Variants in USP32 observed in about 807,000 individuals in gnomAD.
USP32 encodes ubiquitin specific peptidase 32.
Under a neutral mutation model 204.8 loss-of-function variants are expected in USP32, and 59 were observed. The observed-to-expected ratio is 0.29, with a 90% CI of 0.23 to 0.36. The LOEUF is 0.36. Among genes scored for constraint, USP32 ranks in the 10% least tolerant of loss-of-function variants. USP32 has a pLI of 1.00. For synonymous variants in USP32, 517 were observed against 678.4 expected (o/e 0.76, Z 3.70); for missense variants, 1,160 against 1,946.4 (o/e 0.60, Z 7.60).
chr17:60,331,228 A>G (rs2088375073), intron 2 of USP32, among the ~76,000 whole-genome samples: 1 of 152,208 alleles, frequency 6.6e-6, no homozygotes, highest in African/African-American at 2.4e-5. Context: ...TATTTAATTT[A>G]ACATTTTACC....
intron 5 of USP32, among the ~76,000 whole-genome samples, chr17:60,287,150 A>AAATT (rs763244286): frequency 6.6e-5 from 10 of 152,158 alleles, no homozygotes; most frequent in Admixed American, 2.0e-4. Context: ...ACTTCGTCTC[A>AAATT]AATTAATTAA....
chr17:60,377,675 C>T (rs113937176), intron 1 of USP32, among the ~76,000 whole-genome samples: 4 of 152,120 alleles, frequency 2.6e-5, no homozygotes, highest in Admixed American at 6.6e-5. Context: ...TTGACTCTTC[C>T]GTGTTTTCAT....
intron 1 of USP32, among the ~76,000 whole-genome samples, chr17:60,365,944 G>A (rs16944295): frequency 0.21 from 32,240 of 152,046 alleles, 8,459 homozygotes; most frequent in African/African-American, 0.62. Flanking sequence ...TTCATTTTTG[G>A]TTTAGAGAGA....
intron 27 of USP32, among the ~76,000 whole-genome samples, chr17:60,197,119 G>A (rs1219870405): frequency 6.6e-6 from 1 of 151,576 alleles, no homozygotes; most frequent in Non-Finnish European, 1.5e-5. Flanking sequence ...GGTGGAGTTT[G>A]CAGTGAACAA....
intron 12 of USP32, among the ~76,000 whole-genome samples, chr17:60,229,305 A>G (rs2085481732): frequency 6.6e-6 from 1 of 152,176 alleles, no homozygotes; most frequent in African/African-American, 2.4e-5. Context: ...GGCCTCCCAA[A>G]GTACTAGGAT....
intron 2 of USP32, among the ~76,000 whole-genome samples, chr17:60,306,761 A>G (rs1013157572): frequency 2.0e-5 from 3 of 152,234 alleles, no homozygotes; most frequent in African/African-American, 7.2e-5. Flanking sequence ...TTACCAGATA[A>G]CATGACCTTA....
chr17:60,381,568 T>C (rs933290409), intron 1 of USP32, among the ~76,000 whole-genome samples: 5 of 152,230 alleles, frequency 3.3e-5, no homozygotes, highest in African/African-American at 1.2e-4. Context: ...TCAGGTGCTC[T>C]TCTTCAGTGG....
chr17:60,249,447 G>A (rs954914158), intron 11 of USP32: 11 of 378,826 alleles, frequency 2.9e-5, no homozygotes, highest in Middle Eastern at 6.4e-4. Flanking sequence ...AATTTGACTG[G>A]TCTGTTGTTA....
intron 11 of USP32, among the ~76,000 whole-genome samples, chr17:60,247,203 G>A (rs1182801521): frequency 2.7e-5 from 4 of 150,928 alleles, no homozygotes; most frequent in African/African-American, 4.9e-5. Flanking sequence ...TTTTTGAGGC[G>A]GAGTCTCCCT....
In USP32 at chr17:60,204,955, TC is replaced by T. The variant is rs1250153280; in HGVS notation, c.3249+491del. ...TGGCTGCTTAGTTAAAAAAAAGAAG[TC>T]TTTTTTTTTTTTTTTTAGAAGAGAC... On this transcript the variant is annotated intron_variant, in intron 26 of 33. Transcript: ENST00000300896. Among the ~76,000 whole-genome samples, 2 of 146,780 alleles carry T rather than the reference TC, an allele frequency of 1.4e-5. 1 individual carries two copies. Among genetic ancestry groups the T allele is most frequent in the Non-Finnish European group, 3.0e-5 (2 of 67,456 alleles).
At chr17:60,204,349 A>C (rs1192135060) in intron 26 of USP32, among the ~76,000 whole-genome samples, 8 of 152,228 alleles carry the variant, frequency 5.3e-5, no homozygotes, top group Non-Finnish European at 8.8e-5. Flanking sequence ...ACAAGGTCTC[A>C]CTTATTGCCC....
At chr17:60,255,110 G>A (rs2086263093) in intron 10 of USP32, 65 bp downstream of exon 10, 1 of 1,139,484 alleles carries the variant, frequency 8.8e-7, no homozygotes, top group Non-Finnish European at 1.3e-6. Flanking sequence ...GCTACTATAT[G>A]ATGGAAAAGA....
Position 60,214,628 on chromosome 17 carries a change from T to G in USP32, c.2014A>C (p.Asn672His). 3 of 1,613,324 alleles carry G rather than the reference T, an allele frequency of 1.9e-6. No homozygotes were observed. The highest frequency in any genetic ancestry group is 2.5e-6 in the Non-Finnish European group (3 of 1,179,392). The change falls in exon 17 of 34, where the codon AAC becomes CAC. Residue 672 changes from asparagine to histidine, a missense_variant. By Grantham distance (68) the Asn-to-His change is moderately conservative. Coordinates refer to ENST00000300896, the MANE Select transcript of USP32 (RefSeq NM_032582.4). ...TCTGAGATGCCTCTTACCTCACTGT[T>G]GTATAGCCACAGGCGCATATCTTCC... ...KEEDMRLWLY[N>H]SENYLTLLDD... is the part of the protein sequence containing the mutation.
intron 11 of USP32, among the ~76,000 whole-genome samples, chr17:60,247,933 C>G (rs1330388804): frequency 2.6e-5 from 4 of 152,154 alleles, no homozygotes; most frequent in Non-Finnish European, 2.9e-5. Flanking sequence ...ATCCACCTAC[C>G]TCAGCCTCCC....
chr17:60,374,923 C>T (rs2089510922), intron 1 of USP32, among the ~76,000 whole-genome samples: 2 of 152,168 alleles, frequency 1.3e-5, no homozygotes, highest in Middle Eastern at 3.4e-3. Context: ...CAGAAACAGA[C>T]ATCTCAGAAA....
intron 12 of USP32, among the ~76,000 whole-genome samples, chr17:60,231,191 G>A (rs915705207): frequency 9.2e-5 from 14 of 152,120 alleles, no homozygotes; most frequent in Non-Finnish European, 1.6e-4. Context: ...TATGGGTCAA[G>A]ATTCACCTTT....
At chr17:60,368,611 A>C (rs2089365608) in intron 1 of USP32, among the ~76,000 whole-genome samples, 1 of 152,112 alleles carries the variant, frequency 6.6e-6, no homozygotes, top group Non-Finnish European at 1.5e-5. Context: ...ACCCACATAC[A>C]CACAAAAACT....
At chr17:60,341,444 C>G (rs992747962) in intron 2 of USP32, among the ~76,000 whole-genome samples, 1 of 151,898 alleles carries the variant, frequency 6.6e-6, no homozygotes, top group Admixed American at 6.6e-5. Flanking sequence ...CTTAGTTTGG[C>G]TGGATATGAA....
At chr17:60,371,292 C>T (rs1021353652) in intron 1 of USP32, among the ~76,000 whole-genome samples, 3 of 148,946 alleles carry the variant, frequency 2.0e-5, no homozygotes, top group African/African-American at 2.5e-5. Context: ...AATGGCCGGG[C>T]GCAGTGGCTC....
Sources: gnomAD v4.1 joint callset for allele counts (sites outside exome capture counted in the v4.1 genomes callset) on GRCh38, gnomAD v4.1.1 for gene constraint, MANE v1.5 for transcripts, NCBI Gene and HGNC (gene_info 2026-07-23, HGNC 2026-07-21) for gene names.